Variants in SPTBN1 observed in about 807,000 individuals in gnomAD.
The protein encoded by SPTBN1 is spectrin beta, non-erythrocytic 1, also known as spectrin beta chain, non-erythrocytic 1.
A neutral mutation model predicts 266.4 loss-of-function variants in SPTBN1; 32 were observed. The observed-to-expected ratio is 0.12, with a 90% CI of 0.09 to 0.16. SPTBN1 has a LOEUF of 0.16. Ranked by LOEUF, SPTBN1 falls within the 10% of genes least tolerant of loss-of-function variation. The pLI is 1.00. For missense variants in SPTBN1, 2,296 were observed against 3,067.1 expected, an observed-to-expected ratio of 0.75 and a Z score of 5.94; for synonymous variants, 1,336 against 1,162.2, an observed-to-expected ratio of 1.15 and a Z score of -3.04.
At position 54,645,888 on chromosome 2, in the gene SPTBN1, C is replaced by T; in HGVS notation, c.4495-40C>T. 6.2e-7 allele frequency: 1 copy of T among 1,606,234 alleles called. No homozygotes were observed. Among genetic ancestry groups the T allele is most frequent in the Non-Finnish European group, 8.5e-7 (1 of 1,173,090 alleles). On this transcript the variant is annotated intron_variant, in intron 21 of 35. Transcript: ENST00000356805. The surrounding 1 kb of genome is among the most constrained non-coding windows in gnomAD (Gnocchi z 4.3). ...GCTCGTTTGTGTCGTATATTTGTTC[C>T]TCTGAGTGGATCTGACCACTTATTT...
intron 3 of SPTBN1, 29 bp from the exon 4 acceptor site, chr2:54,612,132 T>C: frequency 3.9e-6 from 6 of 1,550,908 alleles, no homozygotes; most frequent in Non-Finnish European, 4.4e-6. Context: ...TTGGGTGATG[T>C]GTCTCTACCT....
At chr2:54,517,200 G>A (rs555480423) in intron 1 of SPTBN1, among the ~76,000 whole-genome samples, 15 of 152,064 alleles carry the variant, frequency 9.9e-5, no homozygotes, top group Admixed American at 8.5e-4. Context: ...AGGCAACTCC[G>A]GGATGCCCTT....
chr2:54,481,175 A>G (rs1477906172), intron 1 of SPTBN1, among the ~76,000 whole-genome samples: 2 of 152,038 alleles, frequency 1.3e-5, no homozygotes, highest in African/African-American at 4.8e-5. Flanking sequence ...ATAAAATCCT[A>G]GAAATGAAGA....
intron 2 of SPTBN1, among the ~76,000 whole-genome samples, chr2:54,589,162 C>T (rs1045182314): frequency 1.3e-5 from 2 of 152,184 alleles, no homozygotes; most frequent in African/African-American, 4.8e-5. Context: ...TAGCTCTCAT[C>T]TTAGAAGAGG....
chr2:54,594,245 GGATT>G (rs71408776), intron 2 of SPTBN1, among the ~76,000 whole-genome samples: 51,342 of 151,638 alleles, frequency 0.34, 11,336 homozygotes, highest in African/African-American at 0.64. Context: ...GCAGTTGTGG[GGATT>G]GATTATAAGT....
At chr2:54,559,209 A>G (rs896127321) in intron 2 of SPTBN1, among the ~76,000 whole-genome samples, 5 of 152,090 alleles carry the variant, frequency 3.3e-5, no homozygotes, top group African/African-American at 9.7e-5. Flanking sequence ...GTATGCAGGT[A>G]TTTGATTCCG....
chr2:54,633,327 G>T (rs1294920435), intron 17 of SPTBN1, among the ~76,000 whole-genome samples: 1 of 152,118 alleles, frequency 6.6e-6, no homozygotes, highest in East Asian at 1.9e-4. Context: ...AAGAGCAAAG[G>T]TTATTTTCCT....
chr2:54,531,919 C>A (rs1362726559), intron 2 of SPTBN1, among the ~76,000 whole-genome samples: 1 of 151,996 alleles, frequency 6.6e-6, no homozygotes, highest in Non-Finnish European at 1.5e-5. Context: ...GAAAGCTTCC[C>A]CCTCATGCAA....
At chr2:54,491,435 C>T (rs1276097240) in intron 1 of SPTBN1, among the ~76,000 whole-genome samples, 1 of 152,142 alleles carries the variant, frequency 6.6e-6, no homozygotes, top group African/African-American at 2.4e-5. Flanking sequence ...ATCAGAAATT[C>T]TTGGTCATCT....
intron 17 of SPTBN1, among the ~76,000 whole-genome samples, chr2:54,636,817 C>T (rs1222209800): frequency 6.6e-6 from 1 of 152,232 alleles, no homozygotes; most frequent in East Asian, 1.9e-4. Context: ...GTTTAGGCAA[C>T]TCAGGAGTAT....
At chr2:54,464,173 G>C (rs1289396887) in intron 1 of SPTBN1, among the ~76,000 whole-genome samples, 1 of 152,208 alleles carries the variant, frequency 6.6e-6, no homozygotes, top group Non-Finnish European at 1.5e-5. Flanking sequence ...CTCTTGAACT[G>C]AAATCTCACA....
At chr2:54,539,021 C>A (rs11904679) in intron 2 of SPTBN1, among the ~76,000 whole-genome samples, 18,866 of 152,192 alleles carry the variant, frequency 0.12, 1,380 homozygotes, top group Middle Eastern at 0.19. Flanking sequence ...TTCACAGTAA[C>A]CTTTCCTCTT....
intron 18 of SPTBN1, among the ~76,000 whole-genome samples, chr2:54,640,053 G>A (rs994849840): frequency 1.3e-5 from 2 of 152,148 alleles, no homozygotes; most frequent in Non-Finnish European, 2.9e-5. Context: ...GTGGAATTTA[G>A]GTCAAGCTTG....
intron 1 of SPTBN1, among the ~76,000 whole-genome samples, chr2:54,490,965 T>C (rs1398600906): frequency 6.6e-6 from 1 of 150,946 alleles, no homozygotes; most frequent in Non-Finnish European, 1.5e-5. Context: ...TGAGAGGAGG[T>C]TTTACCCAAA....
rs964321925 is a variant in SPTBN1 at position 54,558,170 on chromosome 2, C to G, written c.148+31604C>G. Reference sequence around the variant, plus strand: ...GCACTACCGCGGCGAGTCCAGGGCCCGGCCGGGGGTCGGCGGCTGCCGGGC... The same window carrying G: ...GCACTACCGCGGCGAGTCCAGGGCCGGGCCGGGGGTCGGCGGCTGCCGGGC... On this transcript the variant is annotated intron_variant, in intron 2 of 35. Transcript: ENST00000356805. The surrounding 1 kb of genome is among the most constrained non-coding windows in gnomAD (Gnocchi z 4.6). The G allele has an allele frequency of 1.0e-5, 10 of 985,272 alleles. No individual in the cohort carries two copies. In the African/African-American group the frequency reaches 1.6e-4, roughly 15 times the overall value. The allele number at this position is 985,272 out of a possible 1,614,324, so 61.0% of individuals were successfully genotyped here. A position where few individuals can be genotyped will look rare whatever the true frequency, so the allele number is the denominator to read the frequency against.
intron 34 of SPTBN1, 87 bp from the exon 35 acceptor site, chr2:54,667,517 C>T: frequency 2.3e-6 from 3 of 1,332,136 alleles, no homozygotes; most frequent in South Asian, 1.2e-5. Flanking sequence ...CTGTGGTCTA[C>T]TTCTGTCCTG....
At chr2:54,524,738 G>C (rs1670696178) in intron 1 of SPTBN1, among the ~76,000 whole-genome samples, 1 of 152,124 alleles carries the variant, frequency 6.6e-6, no homozygotes, top group Non-Finnish European at 1.5e-5. Context: ...CCCTAACCTT[G>C]TCTCCGAGTC....
At chr2:54,620,343 T>G (rs1397597621) in intron 7 of SPTBN1, among the ~76,000 whole-genome samples, 2 of 152,180 alleles carry the variant, frequency 1.3e-5, no homozygotes, top group East Asian at 3.8e-4. Context: ...AATGGTTGTA[T>G]TGGGTGGTAA....
chr2:54,503,414 T>C (rs1393957314), intron 1 of SPTBN1, among the ~76,000 whole-genome samples: 23 of 152,226 alleles, frequency 1.5e-4, no homozygotes, highest in Non-Finnish European at 2.6e-4. Flanking sequence ...CTGTCTGTTC[T>C]CCTGCAGGCC....
Sources: gnomAD v4.1 joint callset for allele counts (sites outside exome capture counted in the v4.1 genomes callset) on GRCh38, gnomAD v4.1.1 for gene constraint, Gnocchi (gnomAD v3.1) non-coding constraint, MANE v1.5 for transcripts, NCBI Gene and HGNC (gene_info 2026-07-23, HGNC 2026-07-21) for gene names.